Variants in MELK observed in about 807,000 individuals in gnomAD.
MELK encodes pEg3 kinase.
MELK carries 81 observed loss-of-function variants against 85.0 expected under a neutral mutation model. The ratio of observed to expected loss-of-function variants is 0.95; its 90% CI spans 0.80 to 1.15. The LOEUF (loss-of-function observed/expected upper bound fraction) is 1.15. Ranked by LOEUF, MELK falls within the 50% of genes most tolerant of loss-of-function variation. The pLI, the probability that MELK is intolerant of heterozygous loss-of-function variation, is 0.00. For missense variants in MELK, 754 were observed against 777.5 expected, an observed-to-expected ratio of 0.97 and a Z score of 0.36; for synonymous variants, 252 against 265.0, an observed-to-expected ratio of 0.95 and a Z score of 0.48.
At chr9:36,665,973 T>C (rs1282748620) in intron 14 of MELK, among the ~76,000 whole-genome samples, 3 of 152,202 alleles carry the variant, frequency 2.0e-5, no homozygotes, top group Non-Finnish European at 4.4e-5. Flanking sequence ...CCCCGACTTA[T>C]GACTCAAGCT....
At chr9:36,626,787 A>G (rs781700239) in intron 8 of MELK, among the ~76,000 whole-genome samples, 12 of 151,728 alleles carry the variant, frequency 7.9e-5, no homozygotes, top group South Asian at 4.2e-4. Context: ...GTGAAACCCT[A>G]TCTCTACTAA....
chr9:36,669,499 C>T (rs1460584852), intron 15 of MELK, 93 bp downstream of exon 15: 3 of 871,262 alleles, frequency 3.4e-6, no homozygotes, highest in Non-Finnish European at 3.4e-6. Flanking sequence ...GGTAAATCAT[C>T]ACATAGATTC....
intron 3 of MELK, 111 bp downstream of exon 3, chr9:36,583,823 C>G: frequency 1.4e-6 from 1 of 730,476 alleles, no homozygotes; most frequent in Non-Finnish European, 2.2e-6. Flanking sequence ...ATTTTTATAC[C>G]TTTTAAAAAA....
chr9:36,626,027 G>A (rs752444367), intron 8 of MELK, among the ~76,000 whole-genome samples: 1 of 152,170 alleles, frequency 6.6e-6, no homozygotes, highest in Non-Finnish European at 1.5e-5. Flanking sequence ...CTGAATAAGG[G>A]TTCTAGGTTA....
rs762610218 is a variant in MELK, at chr9:36,669,384, G to C, written c.1483G>C (p.Gly495Arg). The change falls in exon 15 of 18, where the codon GGT (glycine) becomes CGT (arginine). Residue 495 changes from glycine (G) to arginine (R), a missense_variant. Gly to Arg is a moderately radical substitution (Grantham distance 125, BLOSUM62 -2). Transcript: ENST00000298048. ...NSTGTDKLMT[G>R]VISPERRCRS... Reference sequence around the variant, plus strand: ...AACAGGAACAGACAAGTTAATGACAGGTGTCATTAGCCCTGAGAGGCGGTA... The same window carrying C: ...AACAGGAACAGACAAGTTAATGACACGTGTCATTAGCCCTGAGAGGCGGTA... 2 of 1,603,988 alleles carry C rather than the reference G, an allele frequency of 1.2e-6. No individual in the cohort carries two copies. The highest frequency in any genetic ancestry group is 1.7e-6 in the Non-Finnish European group (2 of 1,175,842).
At chr9:36,666,847 CTGTGTTTGTGTG>C (rs1832380143) in intron 14 of MELK, among the ~76,000 whole-genome samples, 2 of 114,022 alleles carry the variant, frequency 1.8e-5, no homozygotes, top group African/African-American at 3.4e-5. Context: ...CTGATGATGT[CTGTGTTTGTGTG>C]TGTGTGTGTG....
At chr9:36,625,551 C>T (rs1827845609) in intron 8 of MELK, among the ~76,000 whole-genome samples, 1 of 152,156 alleles carries the variant, frequency 6.6e-6, no homozygotes, top group African/African-American at 2.4e-5. Flanking sequence ...AGTGAGCCTT[C>T]AGATTGGGGT....
rs1045775545 is a variant in MELK, at chr9:36,633,144, C to T, written c.778C>T (p.His260Tyr). ...KRISMKNLLN[H>Y]PWIMQDYNYP... ...GATTTCTATGAAAAATCTATTGAAC[C>T]ATCCCTGGATCATGCAAGATTACAA... Residue 260 changes from histidine (H) to tyrosine (Y), a missense_variant, in exon 10 of 18, where the codon CAT (histidine) becomes TAT (tyrosine). Physicochemically the swap from His to Tyr is moderately conservative, Grantham distance 83 (BLOSUM62 2). Coordinates refer to ENST00000298048, the MANE Select transcript of MELK (RefSeq NM_014791.4). The T allele has an allele frequency of 2.5e-6, 4 of 1,610,286 alleles. No homozygotes were observed. The Admixed American group carries it at 5.1e-5, about 21-fold the overall frequency.
chr9:36,610,281 A>G (rs1451102129), intron 8 of MELK, among the ~76,000 whole-genome samples: 1 of 152,236 alleles, frequency 6.6e-6, no homozygotes, highest in Non-Finnish European at 1.5e-5. Flanking sequence ...GTCTAAGGAC[A>G]CTGAGTTCAA....
intron 8 of MELK, among the ~76,000 whole-genome samples, chr9:36,608,295 A>AAC (rs1363865420): frequency 6.7e-6 from 1 of 150,274 alleles, no homozygotes; most frequent in Non-Finnish European, 1.5e-5. Flanking sequence ...AAAAAAAAAA[A>AAC]AAAAAAAAGG....
chr9:36,576,840 CT>C (rs1241410917), intron 1 of MELK, among the ~76,000 whole-genome samples: 3 of 152,024 alleles, frequency 2.0e-5, no homozygotes, highest in Non-Finnish European at 2.9e-5. Context: ...CCGTTTTTTA[CT>C]TGCTGATAAT....
At chr9:36,586,484 G>A (rs1229567038) in intron 3 of MELK, among the ~76,000 whole-genome samples, 1 of 152,098 alleles carries the variant, frequency 6.6e-6, no homozygotes, top group Non-Finnish European at 1.5e-5. Flanking sequence ...TCTGTCAGTG[G>A]ACAATTCAGG....
intron 4 of MELK, among the ~76,000 whole-genome samples, chr9:36,592,590 A>T (rs1021926809): frequency 2.0e-5 from 3 of 152,158 alleles, no homozygotes; most frequent in Non-Finnish European, 4.4e-5. Context: ...TAGCTTACAC[A>T]CACATGGTGT....
chr9:36,631,300 C>T (rs1828589941), intron 9 of MELK, among the ~76,000 whole-genome samples: 1 of 151,820 alleles, frequency 6.6e-6, no homozygotes, highest in Non-Finnish European at 1.5e-5. Context: ...CTTTGTTGCT[C>T]AGGCTGGAGT....
At chr9:36,671,395 A>G (rs2138119035) in intron 16 of MELK, among the ~76,000 whole-genome samples, 1 of 152,320 alleles carries the variant, frequency 6.6e-6, no homozygotes, top group East Asian at 1.9e-4. Flanking sequence ...ATATTCAAGA[A>G]CAGGTGGAGG....
intron 11 of MELK, among the ~76,000 whole-genome samples, 170 bp downstream of exon 11, chr9:36,643,253 C>T (rs572867037): frequency 6.6e-5 from 10 of 152,170 alleles, no homozygotes; most frequent in South Asian, 2.1e-4. Flanking sequence ...TGTGGTGGCA[C>T]GTGCCTGTAA....
Position 36,615,011 on chromosome 9 carries a change from C to T in MELK, c.666+7338C>T, listed in dbSNP as rs1191707323. The stretch of plus-strand genomic sequence containing the variant: ...GGGGCTCCTCACTTCCCAGTAGGGG[C>T]GGCCGGGCAGAGGCGCCCCTCACCT... On this transcript the variant is annotated intron_variant, in intron 8 of 17. Coordinates refer to ENST00000298048, the MANE Select transcript of MELK (RefSeq NM_014791.4). Among the ~76,000 whole-genome samples, 37 of 146,666 alleles carry T rather than the reference C, an allele frequency of 2.5e-4. 1 individual carries two copies. Among genetic ancestry groups the T allele is most frequent in the Admixed American group, 9.3e-4 (14 of 15,048 alleles).
At chr9:36,599,535 T>C (rs746322818) in intron 7 of MELK, 49 bp downstream of exon 7, 3 of 1,413,316 alleles carry the variant, frequency 2.1e-6, no homozygotes, top group Non-Finnish European at 3.0e-6. Context: ...ACATTTATAT[T>C]GGTCACCTGT....
At chr9:36,653,131 A>G (rs1830877974) in intron 12 of MELK, among the ~76,000 whole-genome samples, 1 of 152,088 alleles carries the variant, frequency 6.6e-6, no homozygotes, top group South Asian at 2.1e-4. Flanking sequence ...CAGTTTTGTC[A>G]TGGACTTTAA....
Sources: gnomAD v4.1 joint callset for allele counts (sites outside exome capture counted in the v4.1 genomes callset) on GRCh38, gnomAD v4.1.1 for gene constraint, MANE v1.5 for transcripts, NCBI Gene and HGNC (gene_info 2026-07-23, HGNC 2026-07-21) for gene names.